Variants in CACNA1C observed in about 807,000 individuals in gnomAD.
CACNA1C encodes calcium voltage-gated channel subunit alpha1 C.
A neutral mutation model predicts 229.0 loss-of-function variants in CACNA1C; 30 were observed. That is an observed-to-expected ratio of 0.13 (90% CI 0.10 to 0.18). The LOEUF (loss-of-function observed/expected upper bound fraction) is 0.18. Ranked by LOEUF, CACNA1C falls within the 10% of genes least tolerant of loss-of-function variation. The pLI is 1.00. For synonymous variants in CACNA1C, 1,114 were observed against 1,132.5 expected (o/e 0.98, Z 0.33); for missense variants, 1,658 against 2,845.0 (o/e 0.58, Z 9.49).
intron 3 of CACNA1C, among the ~76,000 whole-genome samples, chr12:2,231,267 T>G (rs561523847): frequency 6.6e-6 from 1 of 152,342 alleles, no homozygotes; most frequent in East Asian, 1.9e-4. Flanking sequence ...AGCCAGTGCT[T>G]TTAACATAAT....
At chr12:2,480,986 A>G (rs1319248564) in intron 5 of CACNA1C, among the ~76,000 whole-genome samples, 1 of 152,226 alleles carries the variant, frequency 6.6e-6, no homozygotes, top group Admixed American at 6.5e-5. Flanking sequence ...TATGAATTCA[A>G]AAGAGGGAAG....
chr12:2,340,604 G>A (rs976667452), intron 3 of CACNA1C, among the ~76,000 whole-genome samples: 4 of 152,214 alleles, frequency 2.6e-5, no homozygotes, highest in Non-Finnish European at 4.4e-5. Context: ...GAGGGATCCG[G>A]AGGGTCCCTG....
intron 3 of CACNA1C, among the ~76,000 whole-genome samples, chr12:2,202,542 A>G (rs1369968606): frequency 6.6e-6 from 1 of 152,182 alleles, no homozygotes; most frequent in East Asian, 1.9e-4. Context: ...ATTAACAGGT[A>G]TGGAAGTTGT....
In CACNA1C at chr12:2,682,644, G is replaced by T. The variant is rs1198686589; in HGVS notation, c.5539G>T (p.Ala1847Ser). The T allele has an allele frequency of 6.2e-7, 1 of 1,611,934 alleles. No homozygotes were observed. The highest frequency in any genetic ancestry group is 1.3e-5 in the African/African-American group (1 of 74,836). The change falls in exon 43 of 47, where the codon GCC becomes TCC. Residue 1847 changes from alanine to serine, a missense_variant. Around this residue, in one of 20 missense-constraint regions of CACNA1C, gnomAD observed 590 missense variants for 700.8 expected, o/e 0.84. Transcript: ENST00000399655. The part of the protein sequence containing the change: ...YEVKMNHDTE[A>S]CSEPSLLSTE... ...AGTGAAGATGAACCATGACACGGAG[G>T]CCTGCAGTGAGCCCAGCCTGCTCTC...
In CACNA1C at chr12:2,443,561, G is replaced by A. The variant is rs1751728178; in HGVS notation, c.478-5415G>A. 2.0e-5 allele frequency among the ~76,000 whole-genome samples: 3 copies of A among 152,320 alleles called. No homozygotes were observed. In the South Asian group the frequency reaches 6.2e-4, roughly 32 times the overall value. On this transcript the variant is annotated intron_variant, in intron 3 of 46. Transcript: ENST00000399655. ...TCATCTGTTCCACTTGGCTTCCAAA[G>A]CTTCCCGTTTCCCAAGATCACCAAA...
intron 5 of CACNA1C, among the ~76,000 whole-genome samples, chr12:2,459,339 T>C (rs532315283): frequency 6.6e-6 from 1 of 152,220 alleles, no homozygotes; most frequent in East Asian, 1.9e-4. Context: ...TTTACACATA[T>C]ATCCTGTCTC....
chr12:2,480,454 T>C (rs11062242), intron 5 of CACNA1C, among the ~76,000 whole-genome samples: 1,615 of 152,334 alleles, frequency 0.011, 13 homozygotes, highest in Non-Finnish European at 0.018. Flanking sequence ...GTTGCATGAT[T>C]ATTTGACTAA....
At chr12:2,441,764 G>A (rs2099229682) in intron 3 of CACNA1C, among the ~76,000 whole-genome samples, 1 of 152,214 alleles carries the variant, frequency 6.6e-6, no homozygotes, top group African/African-American at 2.4e-5. Context: ...GTCAGTAATA[G>A]GTAGCTGCTG....
At chr12:2,018,415 A>AACTGTG (rs1292394769) in intron 1 of CACNA1C, 43 of 152,360 alleles carry the variant, frequency 2.8e-4, no homozygotes, top group African/African-American at 7.9e-4. Context: ...CATGTTGAAC[A>AACTGTG]ATCGGCTGGC....
chr12:2,682,134 C>A, intron 42 of CACNA1C: 1 of 827,962 alleles, frequency 1.2e-6, no homozygotes, highest in South Asian at 1.6e-5. Context: ...AGGCCAAGGA[C>A]TTCTCAGCTA....
At chr12:2,528,616 G>A (rs1258310935) in intron 9 of CACNA1C, among the ~76,000 whole-genome samples, 2 of 152,206 alleles carry the variant, frequency 1.3e-5, no homozygotes, top group South Asian at 2.1e-4. Flanking sequence ...CAATCACGGA[G>A]ACACAAGTTT....
At chr12:2,229,332 G>A (rs903519815) in intron 3 of CACNA1C, among the ~76,000 whole-genome samples, 7 of 152,160 alleles carry the variant, frequency 4.6e-5, no homozygotes, top group Non-Finnish European at 7.3e-5. Context: ...TCCCTCAGTG[G>A]CAGCCTTGAT....
At chr12:2,408,725 A>G (rs549892572) in intron 3 of CACNA1C, among the ~76,000 whole-genome samples, 178 of 152,324 alleles carry the variant, frequency 1.2e-3, no homozygotes, top group African/African-American at 4.1e-3. Flanking sequence ...TCTCCAGGCC[A>G]CTTTATGTGA....
At chr12:2,256,832 G>A (rs2154397330) in intron 3 of CACNA1C, among the ~76,000 whole-genome samples, 1 of 152,294 alleles carries the variant, frequency 6.6e-6, no homozygotes, top group Non-Finnish European at 1.5e-5. Flanking sequence ...CTCCACAGGT[G>A]ATTCTGATGG....
chr12:2,448,871 G>T (rs774814190), intron 3 of CACNA1C, 105 bp from the exon 4 acceptor site: 31 of 932,042 alleles, frequency 3.3e-5, no homozygotes, highest in Non-Finnish European at 4.8e-5. Context: ...ACCACAGAGG[G>T]GGCAGCATTA....
intron 3 of CACNA1C, among the ~76,000 whole-genome samples, chr12:2,140,979 G>A (rs915450340): frequency 4.0e-5 from 6 of 151,156 alleles, no homozygotes; most frequent in South Asian, 4.2e-4. Flanking sequence ...CACCTGGAGC[G>A]GGTAGGCAGG....
At chr12:2,657,982 T>C (rs548040561) in intron 34 of CACNA1C, among the ~76,000 whole-genome samples, 1 of 150,912 alleles carries the variant, frequency 6.6e-6, no homozygotes, top group Non-Finnish European at 1.5e-5. Context: ...TACATACCAA[T>C]AGAAGTATAA....
rs1035615383 is a variant in CACNA1C, at chr12:2,585,039, G to A, written c.2340-337G>A. 1.3e-5 allele frequency among the ~76,000 whole-genome samples: 2 copies of A among 152,082 alleles called. No homozygotes were observed. Among genetic ancestry groups the A allele is most frequent in the African/African-American group, 2.4e-5 (1 of 41,408 alleles). On this transcript the variant is annotated intron_variant, in intron 16 of 46. Transcript: ENST00000399655. This position sits in a 1 kb window ranked among gnomAD's most constrained non-coding sequence, Gnocchi z 4.1. ...TGTTGTATCCTATCATTATCTAGAC[G>A]GGACAGTTCCAGGCCACACAGCTGC...
chr12:2,070,999 C>G (rs1473654053), intron 1 of CACNA1C, among the ~76,000 whole-genome samples: 1 of 135,484 alleles, frequency 7.4e-6, no homozygotes, highest in Non-Finnish European at 1.6e-5. Context: ...TCTCTCCTTC[C>G]TTCCTTCTCT....
Sources: allele counts gnomAD v4.1 joint callset (sites outside exome capture counted in the v4.1 genomes callset), GRCh38; gene constraint gnomAD v4.1.1; regional missense constraint gnomAD v4.1.1; non-coding constraint Gnocchi (gnomAD v3.1); transcripts MANE v1.5; gene names NCBI Gene and HGNC (gene_info 2026-07-23, HGNC 2026-07-21).